COX10: variants seen among roughly 807,000 people sequenced by gnomAD.
The protein encoded by COX10 is protoheme IX farnesyltransferase, mitochondrial.
Under a neutral mutation model 37.3 loss-of-function variants are expected in COX10, and 27 were observed. The observed-to-expected ratio is 0.72, with a 90% CI of 0.53 to 1.00. The LOEUF (loss-of-function observed/expected upper bound fraction) is 1.00, where lower values mean the gene tolerates loss of function less well. Ranked by LOEUF, COX10 falls within the 50% of genes least tolerant of loss-of-function variation. The pLI is 0.00. For missense variants in COX10, 475 were observed against 563.2 expected (o/e 0.84, Z 1.59); for synonymous variants, 222 against 229.1 (o/e 0.97, Z 0.28).
At chr17:14,080,246 C>T (rs1344755022) in intron 3 of COX10, among the ~76,000 whole-genome samples, 5 of 103,906 alleles carry the variant, frequency 4.8e-5, no homozygotes, top group African/African-American at 7.4e-5. Context: ...TTTTTTGAGA[C>T]GGAGTCTTGC....
chr17:14,185,952 G>A (rs573067311), intron 5 of COX10, among the ~76,000 whole-genome samples: 311 of 152,006 alleles, frequency 2.0e-3, no homozygotes, highest in Admixed American at 5.6e-3. Flanking sequence ...AGGAGGGCCC[G>A]CTCTCTGCTT....
intron 4 of COX10, among the ~76,000 whole-genome samples, chr17:14,116,056 C>T (rs1158005970): frequency 1.3e-5 from 2 of 152,088 alleles, no homozygotes; most frequent in Non-Finnish European, 2.9e-5. Context: ...TAAAATTAAG[C>T]TAAAGTTAAT....
At chr17:14,172,266 G>A (rs56315020) in intron 5 of COX10, among the ~76,000 whole-genome samples, 3,746 of 149,012 alleles carry the variant, frequency 0.025, 131 homozygotes, top group African/African-American at 0.076. Context: ...TTCCTTTTGG[G>A]TAGATACTCA....
intron 3 of COX10, among the ~76,000 whole-genome samples, chr17:14,080,493 G>A (rs992109913): frequency 1.3e-5 from 2 of 152,046 alleles, no homozygotes; most frequent in Non-Finnish European, 1.5e-5. Context: ...GATTACAGGC[G>A]TGAGCCACCG....
At chr17:14,172,447 C>G (rs1257936517) in intron 5 of COX10, among the ~76,000 whole-genome samples, 1 of 152,012 alleles carries the variant, frequency 6.6e-6, no homozygotes, top group East Asian at 1.9e-4. Context: ...TTTATAATAA[C>G]AATAGCTCTT....
At chr17:14,101,647 A>G (rs570949241) in intron 3 of COX10, among the ~76,000 whole-genome samples, 12 of 152,300 alleles carry the variant, frequency 7.9e-5, no homozygotes, top group Middle Eastern at 6.8e-3. Flanking sequence ...CTTATAGGCA[A>G]GACCACTCCT....
At chr17:14,157,758 C>A (rs1369898232) in intron 4 of COX10, among the ~76,000 whole-genome samples, 1 of 152,172 alleles carries the variant, frequency 6.6e-6, no homozygotes, top group East Asian at 1.9e-4. Context: ...CTTACTCTGA[C>A]TACGGCCACA....
intron 3 of COX10, among the ~76,000 whole-genome samples, chr17:14,095,678 G>A (rs1915632998): frequency 6.6e-6 from 1 of 152,186 alleles, no homozygotes; most frequent in Non-Finnish European, 1.5e-5. Context: ...CTGAATTCAA[G>A]GTGTTGGTTG....
intron 4 of COX10, among the ~76,000 whole-genome samples, chr17:14,158,765 C>T (rs1353549364): frequency 6.6e-6 from 1 of 152,260 alleles, no homozygotes; most frequent in Non-Finnish European, 1.5e-5. Flanking sequence ...ACCATAGAGT[C>T]GTTCTTCCTG....
At chr17:14,205,147 T>G (rs1009585760) in intron 6 of COX10, among the ~76,000 whole-genome samples, 18 of 152,162 alleles carry the variant, frequency 1.2e-4, no homozygotes, top group Non-Finnish European at 2.6e-4. Context: ...ACCTTCCTTT[T>G]TTTTTAATCA....
At chr17:14,198,101 CTTG>C (rs1906421606) in intron 6 of COX10, among the ~76,000 whole-genome samples, 3 of 152,278 alleles carry the variant, frequency 2.0e-5, no homozygotes, top group South Asian at 4.1e-4. Context: ...GTCTAGCCAG[CTTG>C]TTGTCACAGG....
At position 14,078,183 on chromosome 17, in the gene COX10, G is replaced by A. The variant is rs55847916; in HGVS notation, c.499+1127G>A. Reference sequence around the variant, plus strand: ...CAGTGGTTTATGGTCACTAAGCAACGAATCAGCATGTTTCTAAAGAAACTC... The same window carrying A: ...CAGTGGTTTATGGTCACTAAGCAACAAATCAGCATGTTTCTAAAGAAACTC... On this transcript the variant is annotated intron_variant, in intron 3 of 6. Transcript: ENST00000261643. Among the ~76,000 whole-genome samples the A allele has an allele frequency of 7.2e-3, 1,101 of 152,160 alleles. 12 individuals carry two copies. The highest frequency in any genetic ancestry group is 0.024 in the African/African-American group (1,010 of 41,502).
chr17:14,116,654 TACACAC>T (rs71352451), intron 4 of COX10, among the ~76,000 whole-genome samples: 24 of 150,466 alleles, frequency 1.6e-4, no homozygotes, highest in African/African-American at 3.7e-4. Flanking sequence ...TGCATGCATG[TACACAC>T]ACACACACAC....
chr17:14,164,547 G>A (rs909705578), intron 5 of COX10, among the ~76,000 whole-genome samples: 1 of 152,008 alleles, frequency 6.6e-6, no homozygotes, highest in African/African-American at 2.4e-5. Flanking sequence ...TATATTTTCA[G>A]GATTTTGATC....
chr17:14,070,237 C>T (rs769699420), intron 1 of COX10, among the ~76,000 whole-genome samples: 2 of 152,164 alleles, frequency 1.3e-5, no homozygotes, highest in Non-Finnish European at 2.9e-5. Context: ...GGTAATGGCT[C>T]ATCTCAAATG....
chr17:14,105,946 A>G (rs1373353916), intron 4 of COX10, among the ~76,000 whole-genome samples: 1 of 152,126 alleles, frequency 6.6e-6, no homozygotes, highest in Non-Finnish European at 1.5e-5. Flanking sequence ...TAGTTTGGGT[A>G]TATTTTTTCA....
At chr17:14,190,164 G>A (rs1034335452) in intron 5 of COX10, among the ~76,000 whole-genome samples, 1 of 152,178 alleles carries the variant, frequency 6.6e-6, no homozygotes, top group African/African-American at 2.4e-5. Context: ...GGCAGGAGAA[G>A]AGTTAAAATA....
chr17:14,125,231 T>G (rs1916309290), intron 4 of COX10, among the ~76,000 whole-genome samples: 1 of 152,194 alleles, frequency 6.6e-6, no homozygotes, highest in South Asian at 2.1e-4. Flanking sequence ...AATAGAAGGC[T>G]CTACTGCTAC....
At chr17:14,202,093 T>TC (rs1555542081) in intron 6 of COX10, among the ~76,000 whole-genome samples, 6,250 of 79,372 alleles carry the variant, frequency 0.079, 199 homozygotes, top group Middle Eastern at 0.12. Context: ...GATCTCTCTC[T>TC]TTTTTTTTTT....
Sources: allele counts gnomAD v4.1 joint callset (sites outside exome capture counted in the v4.1 genomes callset), GRCh38; gene constraint gnomAD v4.1.1; transcripts MANE v1.5; gene names NCBI Gene and HGNC (gene_info 2026-07-23, HGNC 2026-07-21).